The following GALNT13 variants were observed in gnomAD, a reference collection of about 807,000 sequenced individuals.
The protein encoded by GALNT13 is UDP-GalNAc:polypeptide N-acetylgalactosaminyltransferase 13.
Under a neutral mutation model 64.2 loss-of-function variants are expected in GALNT13, and 28 were observed. That is an observed-to-expected ratio of 0.44 (90% CI 0.32 to 0.60). GALNT13 has a LOEUF of 0.60. Among genes scored for constraint, GALNT13 ranks in the 20% least tolerant of loss-of-function variants. The probability of loss-of-function intolerance (pLI) is 0.05; values close to 1 mark genes in which losing one functional copy is unlikely to be tolerated. For synonymous variants in GALNT13, 214 were observed against 224.6 expected (o/e 0.95, Z 0.42); for missense variants, 577 against 669.8 (o/e 0.86, Z 1.53).
At chr2:154,454,046 A>G (rs974352216), downstream of GALNT13, among the ~76,000 whole-genome samples, 3 of 152,178 alleles carry the variant, frequency 2.0e-5, no homozygotes, top group Non-Finnish European at 2.9e-5. Context: ...ACTTGAAGGT[A>G]TAAGATTTTG....
the GALNT13 span, among the ~76,000 whole-genome samples, chr2:153,559,304 T>TATG: frequency 1.3e-5 from 2 of 152,198 alleles, no homozygotes; most frequent in African/African-American, 2.4e-5. Flanking sequence ...ATTTGACATT[T>TATG]ATGTCTCTTA....
chr2:154,437,441 G>T, intron 11 of GALNT13: 1 of 839,696 alleles, frequency 1.2e-6, no homozygotes, highest in Non-Finnish European at 1.6e-6. Flanking sequence ...AAAAGACCCT[G>T]ACATGACCTT....
intron 3 of GALNT13, among the ~76,000 whole-genome samples, chr2:153,953,329 A>T (rs1692334000): frequency 6.6e-6 from 1 of 152,198 alleles, no homozygotes; most frequent in African/African-American, 2.4e-5. Flanking sequence ...CAATAGTAAT[A>T]ACACAATAAT....
the GALNT13 span, among the ~76,000 whole-genome samples, chr2:153,799,811 T>C: frequency 6.6e-6 from 1 of 152,092 alleles, no homozygotes; most frequent in Admixed American, 6.6e-5. Context: ...GAATGATATG[T>C]ACCATAGGGC....
the GALNT13 span, among the ~76,000 whole-genome samples, chr2:153,134,718 C>A: frequency 6.6e-6 from 1 of 152,256 alleles, no homozygotes; most frequent in Non-Finnish European, 1.5e-5. Context: ...TCAATATTCC[C>A]TCCAGGGAAG....
At chr2:153,215,760 AT>A in the GALNT13 span, among the ~76,000 whole-genome samples, 284 of 147,060 alleles carry the variant, frequency 1.9e-3, 1 homozygote, top group South Asian at 3.6e-3. Context: ...TCTTTCTAGC[AT>A]TTTTTTTTTC....
intron 1 of GALNT13, among the ~76,000 whole-genome samples, chr2:153,899,838 G>A (rs1688109278): frequency 6.6e-6 from 1 of 151,292 alleles, no homozygotes; most frequent in Non-Finnish European, 1.5e-5. Flanking sequence ...GGTACTTAAG[G>A]GGATTTTTAT....
chr2:154,266,516 T>A (rs1380529600), intron 8 of GALNT13, among the ~76,000 whole-genome samples: 2 of 151,924 alleles, frequency 1.3e-5, no homozygotes, highest in Non-Finnish European at 2.9e-5. Context: ...TCTAAAATAA[T>A]GTAAAAAATA....
the GALNT13 span, among the ~76,000 whole-genome samples, chr2:153,322,297 G>A: frequency 8.5e-5 from 13 of 152,116 alleles, no homozygotes; most frequent in Middle Eastern, 3.4e-3. Flanking sequence ...ATTTCCTTAG[G>A]ATAATGGCCT....
the GALNT13 span, among the ~76,000 whole-genome samples, chr2:153,791,977 T>C: frequency 6.6e-6 from 1 of 152,104 alleles, no homozygotes. Flanking sequence ...GCTTAGTACC[T>C]GGGTGATGAA....
the GALNT13 span, among the ~76,000 whole-genome samples, chr2:153,751,872 T>C: frequency 2.0e-5 from 3 of 151,484 alleles, no homozygotes; most frequent in Admixed American, 6.6e-5. Flanking sequence ...TGCCATTTTG[T>C]TATTTGTTTT....
At chr2:153,596,169 C>T in the GALNT13 span, among the ~76,000 whole-genome samples, 10 of 152,318 alleles carry the variant, frequency 6.6e-5, no homozygotes, top group East Asian at 1.9e-3. Context: ...AGGCTTCTCA[C>T]AGTATGGTGA....
the GALNT13 span, among the ~76,000 whole-genome samples, chr2:153,231,569 G>A: frequency 6.6e-6 from 1 of 152,136 alleles, no homozygotes; most frequent in Middle Eastern, 3.2e-3. Context: ...ACTCATAACA[G>A]CATAGATATC....
intron 3 of GALNT13, among the ~76,000 whole-genome samples, chr2:154,053,319 G>A (rs1316334610): frequency 6.6e-6 from 1 of 151,978 alleles, no homozygotes; most frequent in Non-Finnish European, 1.5e-5. Context: ...GGTACATGGC[G>A]ATAGCTATAC....
intron 9 of GALNT13, among the ~76,000 whole-genome samples, chr2:154,321,485 T>A (rs577087481): frequency 2.6e-4 from 40 of 152,180 alleles, no homozygotes; most frequent in African/African-American, 9.4e-4. Context: ...AGAAAAAAAA[T>A]TTAACTTTTT....
intron 11 of GALNT13, among the ~76,000 whole-genome samples, chr2:154,409,859 G>A (rs1476328767): frequency 6.6e-6 from 1 of 151,860 alleles, no homozygotes; most frequent in African/African-American, 2.4e-5. Flanking sequence ...ATCCTGTCCA[G>A]CACAATTATG....
At chr2:153,659,831 T>C in the GALNT13 span, among the ~76,000 whole-genome samples, 1 of 152,124 alleles carries the variant, frequency 6.6e-6, no homozygotes, top group African/African-American at 2.4e-5. Flanking sequence ...AGCTTTGTAC[T>C]AATGGGATGA....
upstream of GALNT13, among the ~76,000 whole-genome samples, chr2:153,871,712 C>T (rs1302122043): frequency 6.6e-6 from 1 of 152,220 alleles, no homozygotes; most frequent in Non-Finnish European, 1.5e-5. Context: ...GCTCCAGAAG[C>T]AGCTGGAGCG....
chr2:153,792,140 G>T, the GALNT13 span, among the ~76,000 whole-genome samples: 1 of 152,032 alleles, frequency 6.6e-6, no homozygotes, highest in Admixed American at 6.6e-5. Context: ...TAAACTTTTG[G>T]CCTTTATCTT....
Sources: allele counts gnomAD v4.1 joint callset (sites outside exome capture counted in the v4.1 genomes callset), GRCh38; gene constraint gnomAD v4.1.1; transcripts MANE v1.5; gene names NCBI Gene and HGNC (gene_info 2026-07-23, HGNC 2026-07-21).